The following EFCAB6 variants were observed in gnomAD, a reference collection of about 807,000 sequenced individuals.
EFCAB6 encodes EF-hand calcium binding domain 6, also known as EF-hand calcium-binding domain-containing protein 6.
In EFCAB6, 156 loss-of-function variants were observed where a neutral mutation model predicts 169.8. That is an observed-to-expected ratio of 0.92 (90% CI 0.81 to 1.05). EFCAB6 has a LOEUF of 1.05. EFCAB6 is among the 50% of genes least tolerant of loss of function. The pLI is 0.00. For synonymous variants in EFCAB6, 698 were observed against 676.4 expected, an observed-to-expected ratio of 1.03 and a Z score of -0.50; for missense variants, 1,800 against 1,829.1, an observed-to-expected ratio of 0.98 and a Z score of 0.29.
At chr22:43,571,808 C>T (rs1377068679) in intron 26 of EFCAB6, among the ~76,000 whole-genome samples, 1 of 152,186 alleles carries the variant, frequency 6.6e-6, no homozygotes, top group Non-Finnish European at 1.5e-5. Context: ...CTTGCGGTCA[C>T]CCCTTGCTCC....
At chr22:43,784,984 G>C (rs144911856) in intron 2 of EFCAB6, among the ~76,000 whole-genome samples, 14 of 152,108 alleles carry the variant, frequency 9.2e-5, no homozygotes, top group African/African-American at 3.4e-4. Flanking sequence ...GAAAGGGCAA[G>C]TGAAGGAAAA....
Position 43,750,784 on chromosome 22 carries a change from T to C in EFCAB6, c.507+4982A>G, listed in dbSNP as rs548365999. Reference sequence around the variant, plus strand: ...TGAATATTAAATTTTTAAATGTCTTTTTAAAGAAAATTCACCTCTTTAAGA... The same window carrying C: ...TGAATATTAAATTTTTAAATGTCTTCTTAAAGAAAATTCACCTCTTTAAGA... On this transcript the variant is annotated intron_variant, in intron 6 of 31. Transcript: ENST00000262726. 2.0e-5 allele frequency among the ~76,000 whole-genome samples: 3 copies of C among 152,344 alleles called. No homozygotes were observed. In the East Asian group the frequency reaches 5.8e-4, roughly 29 times the overall value.
intron 6 of EFCAB6, among the ~76,000 whole-genome samples, chr22:43,750,491 AGAG>A (rs1201856004): frequency 8.5e-5 from 13 of 152,248 alleles, no homozygotes; most frequent in African/African-American, 3.1e-4. Flanking sequence ...TTCAGATGAA[AGAG>A]GAGATGTGTT....
intron 20 of EFCAB6, among the ~76,000 whole-genome samples, chr22:43,625,672 C>T (rs1240738122): frequency 2.0e-5 from 3 of 152,204 alleles, no homozygotes; most frequent in Non-Finnish European, 4.4e-5. Context: ...GGCAGCACTG[C>T]CCGGGGAGGG....
intron 21 of EFCAB6, among the ~76,000 whole-genome samples, chr22:43,610,496 G>A (rs1278531222): frequency 6.6e-6 from 1 of 152,204 alleles, no homozygotes; most frequent in Non-Finnish European, 1.5e-5. Context: ...ATCCACTAGA[G>A]TGGAAAAAAC....
At chr22:43,632,610 A>T (rs901280686) in intron 18 of EFCAB6, among the ~76,000 whole-genome samples, 1 of 151,980 alleles carries the variant, frequency 6.6e-6, no homozygotes, top group Non-Finnish European at 1.5e-5. Flanking sequence ...CACTGGCTTC[A>T]TTTCTACATC....
At chr22:43,584,521 A>G (rs1025320835) in intron 24 of EFCAB6, among the ~76,000 whole-genome samples, 2 of 151,782 alleles carry the variant, frequency 1.3e-5, no homozygotes, top group Non-Finnish European at 2.9e-5. Context: ...AGATCCCCTC[A>G]GGGTTCTGGC....
chr22:43,567,639 G>A (rs765878925), intron 26 of EFCAB6, among the ~76,000 whole-genome samples: 1 of 152,100 alleles, frequency 6.6e-6, no homozygotes, highest in African/African-American at 2.4e-5. Context: ...GCTGGCATTC[G>A]AATCCTAGCA....
At chr22:43,735,298 TCACCCTCCTGCCGCACACCC>T (rs67470752) in intron 7 of EFCAB6, among the ~76,000 whole-genome samples, 74,583 of 147,894 alleles carry the variant, frequency 0.5, 19,238 homozygotes, top group African/African-American at 0.57. Flanking sequence ...CTGCTGTTCG[TCACCCTCCTGCCGCACACCC>T]CACCCTCCTG....
At chr22:43,726,298 AAAGACAGCATAAATTGAAGC>A (rs2059734656) in intron 8 of EFCAB6, among the ~76,000 whole-genome samples, 1 of 146,520 alleles carries the variant, frequency 6.8e-6, no homozygotes, top group African/African-American at 2.5e-5. Context: ...AAAAAAAAAA[AAAGACAGCATAAATTGAAGC>A]AAAAAGAAAC....
intron 23 of EFCAB6, among the ~76,000 whole-genome samples, chr22:43,591,501 C>A (rs1004165350): frequency 0.044 from 4 of 90 alleles, no homozygotes; most frequent in African/African-American, 0.12. Flanking sequence ...ACAGCCACCA[C>A]GTGGTGTTGA....
At chr22:43,598,310 G>GAAAACA (rs1402967848) in intron 23 of EFCAB6, among the ~76,000 whole-genome samples, 1,005 of 57,576 alleles carry the variant, frequency 0.017, 180 homozygotes, top group East Asian at 0.092. Flanking sequence ...ACTGTCTCCG[G>GAAAACA]GAAAAAAAAA....
At chr22:43,643,722 C>T (rs983332385) in intron 17 of EFCAB6, among the ~76,000 whole-genome samples, 22 of 152,274 alleles carry the variant, frequency 1.4e-4, no homozygotes, top group African/African-American at 4.3e-4. Context: ...TGTTGTGTGC[C>T]GTATGTTTGG....
intron 2 of EFCAB6, among the ~76,000 whole-genome samples, chr22:43,801,957 C>T (rs539790484): frequency 6.8e-4 from 104 of 152,316 alleles, no homozygotes; most frequent in African/African-American, 2.4e-3. Context: ...CAACAATATG[C>T]TGCCTATAAG....
intron 16 of EFCAB6, among the ~76,000 whole-genome samples, chr22:43,667,590 G>A (rs1432288829): frequency 6.6e-6 from 1 of 152,180 alleles, no homozygotes; most frequent in African/African-American, 2.4e-5. Context: ...CTGGCCGAAG[G>A]TGGCATGTGA....
chr22:43,559,544 T>C (rs2048904250), intron 26 of EFCAB6, among the ~76,000 whole-genome samples: 1 of 152,234 alleles, frequency 6.6e-6, no homozygotes, highest in Non-Finnish European at 1.5e-5. Flanking sequence ...ATGATTCTAC[T>C]ATAAAGACAC....
chr22:43,644,529 T>C (rs149575431), intron 17 of EFCAB6, among the ~76,000 whole-genome samples: 6 of 152,348 alleles, frequency 3.9e-5, no homozygotes, highest in African/African-American at 7.2e-5. Context: ...ATTTGATCCA[T>C]AGCGGATGGG....
chr22:43,677,900 T>A, intron 13 of EFCAB6, 96 bp downstream of exon 13: 1 of 1,277,154 alleles, frequency 7.8e-7, no homozygotes. Flanking sequence ...AGTCGTTAAT[T>A]TATTTAAACC....
intron 22 of EFCAB6, among the ~76,000 whole-genome samples, chr22:43,605,504 G>A (rs183705435): frequency 1.3e-5 from 2 of 152,116 alleles, no homozygotes; most frequent in Admixed American, 6.5e-5. Context: ...TTAGCTGAGC[G>A]TGGTGGTGCG....
Sources: allele counts gnomAD v4.1 joint callset (sites outside exome capture counted in the v4.1 genomes callset), GRCh38; gene constraint gnomAD v4.1.1; transcripts MANE v1.5; gene names NCBI Gene and HGNC (gene_info 2026-07-23, HGNC 2026-07-21).